Variants in SGCZ observed in about 807,000 individuals in gnomAD.
SGCZ encodes the protein zeta-sarcoglycan.
Under a neutral mutation model 41.3 loss-of-function variants are expected in SGCZ, and 40 were observed. That is an observed-to-expected ratio of 0.97 (90% confidence interval 0.75 to 1.26). The LOEUF (loss-of-function observed/expected upper bound fraction) is 1.26. Among genes scored for constraint, SGCZ ranks in the 50% most tolerant of loss-of-function variants. The probability of loss-of-function intolerance (pLI) is 0.00; values close to 1 mark genes in which losing one functional copy is unlikely to be tolerated. For synonymous variants in SGCZ, 206 were observed against 137.5 expected (o/e 1.50, Z -3.49); for missense variants, 552 against 369.8 (o/e 1.49, Z -4.04).
At chr8:14,163,179 C>T (rs1804099752) in intron 5 of SGCZ, among the ~76,000 whole-genome samples, 1 of 152,124 alleles carries the variant, frequency 6.6e-6, no homozygotes, top group Admixed American at 6.6e-5. Flanking sequence ...CTTTTTTTAA[C>T]TTTTAAGTTC....
At chr8:14,694,366 G>A (rs188009658) in intron 1 of SGCZ, among the ~76,000 whole-genome samples, 2 of 152,244 alleles carry the variant, frequency 1.3e-5, no homozygotes, top group Admixed American at 6.5e-5. Context: ...GGGATATTTT[G>A]CATATTCAGA....
intron 5 of SGCZ, among the ~76,000 whole-genome samples, chr8:14,132,485 C>T (rs1471807928): frequency 1.3e-5 from 2 of 152,150 alleles, no homozygotes; most frequent in East Asian, 1.9e-4. Flanking sequence ...TCTTGTATAT[C>T]GTTACAGAAA....
At position 14,504,794 on chromosome 8, in the gene SGCZ, C is replaced by A. The variant is rs111843869; in HGVS notation, c.234+49938G>T. The stretch of plus-strand genomic sequence containing the variant: ...CTAGCCTGTTTCCCCTCAGCTGAAA[C>A]CTTTTTGTGATTTATATCACTCAGG... On this transcript the variant is annotated intron_variant, in intron 2 of 7. Coordinates refer to ENST00000382080, the MANE Select transcript of SGCZ (RefSeq NM_139167.4). Among the ~76,000 whole-genome samples, 557 of 152,226 alleles carry A rather than the reference C, an allele frequency of 3.7e-3. 7 individuals are homozygous for A. The highest frequency in any genetic ancestry group is 0.013 in the African/African-American group (526 of 41,558).
chr8:14,960,069 T>C (rs909414529), intron 1 of SGCZ, among the ~76,000 whole-genome samples: 19 of 152,214 alleles, frequency 1.2e-4, no homozygotes, highest in African/African-American at 4.6e-4. Flanking sequence ...TTGCACAGAT[T>C]ATAAAGGTGA....
chr8:14,115,036 C>G (rs539916581), intron 5 of SGCZ, among the ~76,000 whole-genome samples: 13 of 151,858 alleles, frequency 8.6e-5, no homozygotes. Context: ...TTTTCTAATT[C>G]CTACCTCCAA....
At chr8:14,711,161 T>C (rs1366966671) in intron 1 of SGCZ, among the ~76,000 whole-genome samples, 1 of 152,216 alleles carries the variant, frequency 6.6e-6, no homozygotes, top group East Asian at 1.9e-4. Flanking sequence ...AGCAAGTCAC[T>C]ATGGACTTAA....
At chr8:14,822,475 C>T (rs1161708226) in intron 1 of SGCZ, among the ~76,000 whole-genome samples, 1 of 151,982 alleles carries the variant, frequency 6.6e-6, no homozygotes, top group African/African-American at 2.4e-5. Flanking sequence ...TTCACAGAAA[C>T]AAAAAAGAAA....
intron 1 of SGCZ, among the ~76,000 whole-genome samples, chr8:14,589,073 T>C (rs1805156335): frequency 6.6e-6 from 1 of 152,180 alleles, no homozygotes; most frequent in East Asian, 1.9e-4. Context: ...TGTAGCACAC[T>C]GATGGGCTTG....
At chr8:14,684,141 T>C (rs1255245229) in intron 1 of SGCZ, among the ~76,000 whole-genome samples, 1 of 152,180 alleles carries the variant, frequency 6.6e-6, no homozygotes, top group Non-Finnish European at 1.5e-5. Context: ...TTTCAGAGCT[T>C]TTTAAAAATG....
chr8:14,135,219 T>C (rs1803160010), intron 5 of SGCZ, among the ~76,000 whole-genome samples: 1 of 152,206 alleles, frequency 6.6e-6, no homozygotes, highest in South Asian at 2.1e-4. Flanking sequence ...AATGAATAAA[T>C]AATAAAATAA....
intron 3 of SGCZ, among the ~76,000 whole-genome samples, chr8:14,317,301 T>G (rs992607082): frequency 6.6e-6 from 1 of 152,080 alleles, no homozygotes; most frequent in Non-Finnish European, 1.5e-5. Flanking sequence ...TAGGTGCTAC[T>G]ATGAACTTCA....
chr8:14,384,635 C>T (rs1336711384), intron 2 of SGCZ, among the ~76,000 whole-genome samples: 1 of 152,204 alleles, frequency 6.6e-6, no homozygotes, highest in Non-Finnish European at 1.5e-5. Flanking sequence ...TCTCAGCTCA[C>T]TGAAACCTCC....
intron 1 of SGCZ, among the ~76,000 whole-genome samples, chr8:15,075,005 C>T (rs1019015391): frequency 3.3e-5 from 5 of 152,164 alleles, no homozygotes; most frequent in Non-Finnish European, 7.3e-5. Context: ...TCTGCATCCT[C>T]AGCACCTAAC....
At chr8:15,003,570 T>A (rs564558729) in intron 1 of SGCZ, among the ~76,000 whole-genome samples, 3 of 152,318 alleles carry the variant, frequency 2.0e-5, no homozygotes, top group African/African-American at 7.2e-5. Context: ...TGGAATGTGT[T>A]GACTTAAATA....
chr8:14,368,512 A>C (rs1250292003), intron 2 of SGCZ, among the ~76,000 whole-genome samples: 1 of 152,074 alleles, frequency 6.6e-6, no homozygotes. Context: ...CTAAAACTTC[A>C]ACTTGACCAT....
intron 5 of SGCZ, among the ~76,000 whole-genome samples, chr8:14,129,611 G>T (rs1436824650): frequency 6.6e-6 from 1 of 151,564 alleles, no homozygotes; most frequent in Non-Finnish European, 1.5e-5. Context: ...TATAAAAGAA[G>T]AAAGACTTCA....
chr8:14,551,306 T>G (rs1803801465), intron 2 of SGCZ, among the ~76,000 whole-genome samples: 1 of 143,220 alleles, frequency 7.0e-6, no homozygotes, highest in Admixed American at 7.5e-5. Flanking sequence ...ATGCCTGGAT[T>G]TGAGAGACCT....
At position 14,329,640 on chromosome 8, in the gene SGCZ, T is replaced by C. The variant is rs188900704; in HGVS notation, c.235-5436A>G. On this transcript the variant is annotated intron_variant, in intron 2 of 7. Transcript: ENST00000382080. ...CTTAGCCTCTGGGTATAGATCTGTG[T>C]CCTCCATTTTGAATATTTACTATGC... Among the ~76,000 whole-genome samples, 233 of 152,256 alleles carry C rather than the reference T, an allele frequency of 1.5e-3. 1 individual carries two copies. Among genetic ancestry groups the C allele is most frequent in the Non-Finnish European group, 1.8e-3 (125 of 68,016 alleles).
intron 2 of SGCZ, among the ~76,000 whole-genome samples, chr8:14,384,228 T>A (rs1235745068): frequency 1.3e-5 from 2 of 152,074 alleles, no homozygotes; most frequent in African/African-American, 4.8e-5. Context: ...CGGTTTTTTG[T>A]CCTTGCGATA....
Sources: allele counts gnomAD v4.1 joint callset (sites outside exome capture counted in the v4.1 genomes callset), GRCh38; gene constraint gnomAD v4.1.1; transcripts MANE v1.5; gene names NCBI Gene and HGNC (gene_info 2026-07-23, HGNC 2026-07-21).